EXOC8: variants seen among roughly 807,000 people sequenced by gnomAD.
EXOC8 encodes the protein exocyst complex component 8, also known as exocyst complex 84 kDa subunit.
A neutral mutation model predicts 50.8 loss-of-function variants in EXOC8; 19 were observed. The observed-to-expected ratio is 0.37, with a 90% CI of 0.26 to 0.55. EXOC8 has a LOEUF of 0.55. EXOC8 is among the 20% of genes least tolerant of loss of function. The probability of loss-of-function intolerance (pLI) is 0.80; values close to 1 mark genes in which losing one functional copy is unlikely to be tolerated. For synonymous variants in EXOC8, 384 were observed against 367.9 expected, an observed-to-expected ratio of 1.04 and a Z score of -0.50; for missense variants, 781 against 915.8, an observed-to-expected ratio of 0.85 and a Z score of 1.90.
chr1:231,335,301 T>G lies in EXOC8; in HGVS notation c.*267A>C, dbSNP rs1469959492. On this transcript the variant is annotated 3_prime_UTR_variant, in exon 1 of 1. Coordinates refer to ENST00000366645, the MANE Select transcript of EXOC8 (RefSeq NM_175876.5). ...GATAAAACCGAAATGCTATAGTATA[T>G]AGTGTGACCATAATTTCAGAAGAAG... The G allele has an allele frequency of 7.7e-6, 2 of 258,458 alleles. No homozygotes were observed. Among genetic ancestry groups the G allele is most frequent in the Non-Finnish European group, 1.4e-5 (2 of 139,036 alleles). 16.0% of individuals were successfully genotyped at this position (258,458 alleles called of 1,614,324 possible). A position where few individuals can be genotyped will look rare whatever the true frequency, so the allele number is the denominator to read the frequency against.
At position 231,335,528 on chromosome 1, in the gene EXOC8, TCTC is replaced by T; in HGVS notation, c.*37_*39del. On this transcript the variant is annotated 3_prime_UTR_variant, in exon 1 of 1. Transcript: ENST00000366645. The stretch of plus-strand genomic sequence containing the variant: ...ATATAAATATAAATAATATATAAGC[TCTC>T]TCTCTGCATATATACACATATAAAC... The T allele has an allele frequency of 1.5e-6, 2 of 1,363,766 alleles. No homozygotes were observed. The highest frequency in any genetic ancestry group is 1.9e-5 in the South Asian group (1 of 51,654). The allele number at this position is 1,363,766 out of a possible 1,614,324, so 84.5% of individuals were successfully genotyped here. A position where few individuals can be genotyped will look rare whatever the true frequency, so the allele number is the denominator to read the frequency against.
In EXOC8 at chr1:231,334,006, G is replaced by A. The variant is rs927838153; in HGVS notation, c.*1562C>T. On this transcript the variant is annotated 3_prime_UTR_variant, in exon 1 of 1. Transcript: ENST00000366645. The stretch of plus-strand genomic sequence containing the variant: ...CTAGAGACAAAATGGATCACAGCAA[G>A]CACAGTTTCCCTCAAAGAATAAGGA... 2 of 152,170 alleles carry A rather than the reference G, an allele frequency of 1.3e-5. No homozygotes were observed. The highest frequency in any genetic ancestry group is 1.3e-4 in the Admixed American group (2 of 15,282). 9.4% of individuals were successfully genotyped at this position (152,170 alleles called of 1,614,324 possible).
chr1:231,337,325 A>C lies in EXOC8; in HGVS notation c.421T>G (p.Ser141Ala). 2 of 1,602,756 alleles carry C rather than the reference A, an allele frequency of 1.2e-6. No homozygotes were observed. The highest frequency in any genetic ancestry group is 1.7e-6 in the Non-Finnish European group (2 of 1,179,872). Residue 141 changes from serine to alanine, a missense_variant, in exon 1 of 1, where the codon TCC (serine) becomes GCC (alanine). Transcript: ENST00000366645. This position sits in a 1 kb window ranked among gnomAD's most constrained non-coding sequence, Gnocchi z 5.9. Reference protein sequence around the residue: ...DHLRGQAGFFSTPGGASRDGS... With the variant: ...DHLRGQAGFFATPGGASRDGS... ...TCGCGGGAGGCACCCCCGGGGGTGG[A>C]GAAAAAGCCGGCCTGGCCTCGGAGG...
rs1356065841 is a variant in EXOC8 at position 231,334,529 on chromosome 1, ATTAT to A, written c.*1035_*1038del. ...CCAGTGTCCCCAATGTGTCTTGCTT[ATTAT>A]TTTTTAAAATGTGACAAAGACAAAA... On this transcript the variant is annotated 3_prime_UTR_variant, in exon 1 of 1. Coordinates refer to ENST00000366645, the MANE Select transcript of EXOC8 (RefSeq NM_175876.5). 2 of 152,184 alleles carry A rather than the reference ATTAT, an allele frequency of 1.3e-5. No individual in the cohort carries two copies. Among genetic ancestry groups the A allele is most frequent in the Admixed American group, 6.5e-5 (1 of 15,274 alleles). 9.4% of individuals were successfully genotyped at this position (152,184 alleles called of 1,614,324 possible). A position where few individuals can be genotyped will look rare whatever the true frequency, so the allele number is the denominator to read the frequency against.
chr1:231,336,214 C>T lies in EXOC8; in HGVS notation c.1532G>A (p.Ser511Asn), dbSNP rs1686669839. The T allele has an allele frequency of 2.5e-5, 41 of 1,613,972 alleles. No individual in the cohort carries two copies. Among genetic ancestry groups the T allele is most frequent in the Non-Finnish European group, 3.4e-5 (40 of 1,180,042 alleles). The change falls in exon 1 of 1, where the codon AGT becomes AAT. Residue 511 changes from serine to asparagine, a missense_variant. By Grantham distance (46) the Ser-to-Asn change is conservative. Transcript: ENST00000366645. The surrounding 1 kb of genome is among the most constrained non-coding windows in gnomAD (Gnocchi z 5.4). ...VDAFSKQVFD[S>N]KESLSTAAEC... Reference sequence around the variant, plus strand: ...AGCTGCTGTAGAGAGGCTCTCCTTACTATCAAACACCTGCTTGCTAAAAGC... The same window carrying T: ...AGCTGCTGTAGAGAGGCTCTCCTTATTATCAAACACCTGCTTGCTAAAAGC...
Position 231,336,744 on chromosome 1 carries a change from C to A in EXOC8, c.1002G>T (p.Met334Ile). Reference protein sequence around the residue: ...EVEEEKVDLSMEWIQELPEDL... With the variant: ...EVEEEKVDLSIEWIQELPEDL... Reference sequence around the variant, plus strand: ...CTTCAGGTAACTCCTGGATCCATTCCATGGAGAGGTCCACCTTCTCTTCCT... The same window carrying A: ...CTTCAGGTAACTCCTGGATCCATTCAATGGAGAGGTCCACCTTCTCTTCCT... The change falls in exon 1 of 1, where the codon ATG (methionine) becomes ATT (isoleucine). Residue 334 changes from methionine to isoleucine, a missense_variant. Met to Ile is a conservative substitution (Grantham distance 10, BLOSUM62 1). Around this residue, in one of 3 missense-constraint regions of EXOC8, gnomAD observed 700 missense variants for 804.1 expected, o/e 0.87. Transcript: ENST00000366645. The surrounding 1 kb of genome is among the most constrained non-coding windows in gnomAD (Gnocchi z 5.4). 1.9e-6 allele frequency: 3 copies of A among 1,614,202 alleles called. No individual in the cohort carries two copies. Among genetic ancestry groups the A allele is most frequent in the Non-Finnish European group, 2.5e-6 (3 of 1,180,036 alleles).
In EXOC8 at chr1:231,335,054, A is replaced by G. The variant is rs1006196367; in HGVS notation, c.*514T>C. 11 of 152,566 alleles carry G rather than the reference A, an allele frequency of 7.2e-5. No individual in the cohort carries two copies. The highest frequency in any genetic ancestry group is 1.6e-4 in the Non-Finnish European group (11 of 68,470). 9.5% of individuals were successfully genotyped at this position (152,566 alleles called of 1,614,324 possible). On this transcript the variant is annotated 3_prime_UTR_variant, in exon 1 of 1. Transcript: ENST00000366645. ...AAGAAAGAAAAGACTAGCCTGGGCA[A>G]CATGGCGAAACCCCATCTCTACAAA...
In EXOC8 at chr1:231,334,330, G is replaced by A. The variant is rs1686620869; in HGVS notation, c.*1238C>T. 6.6e-6 allele frequency: 1 copy of A among 152,158 alleles called. No homozygotes were observed. The highest frequency in any genetic ancestry group is 1.5e-5 in the Non-Finnish European group (1 of 68,022). 9.4% of individuals were successfully genotyped at this position (152,158 alleles called of 1,614,324 possible). On this transcript the variant is annotated 3_prime_UTR_variant, in exon 1 of 1. Coordinates refer to ENST00000366645, the MANE Select transcript of EXOC8 (RefSeq NM_175876.5). ...AGTGAGAACACTGAGATTTGCATAT[G>A]TTTTTCTACTTTCCCATCCATCTAG... is the stretch of plus-strand genomic sequence containing the variant.
rs767730727 is a variant in EXOC8 at position 231,336,001 on chromosome 1, GTCA to G, written c.1742_1744del (p.Met581del). ...TTTGAGCTTACCCAGGGCTTCTGGC[GTCA>G]TCAAGTTCATCCTCCTCCACATCTC... On this transcript the variant is annotated inframe_deletion, in exon 1 of 1. Coordinates refer to ENST00000366645, the MANE Select transcript of EXOC8 (RefSeq NM_175876.5). This position sits in a 1 kb window ranked among gnomAD's most constrained non-coding sequence, Gnocchi z 5.4. 1.9e-6 allele frequency: 3 copies of G among 1,614,170 alleles called. No homozygotes were observed. The highest frequency in any genetic ancestry group is 2.2e-5 in the East Asian group (1 of 44,894).
At position 231,336,124 on chromosome 1, in the gene EXOC8, A is replaced by T. The variant is rs989881767; in HGVS notation, c.1622T>A (p.Phe541Tyr). The T allele has an allele frequency of 2.5e-6, 4 of 1,614,190 alleles. No homozygotes were observed. The highest frequency in any genetic ancestry group is 3.4e-6 in the Non-Finnish European group (4 of 1,180,030). ...TTTCACCAGAAGGGCATGGATGATG[A>T]AGGTGAGATCCAGTCCGATATCACC... ...QLGDIGLDLT[F>Y]IIHALLVKDI... The change falls in exon 1 of 1, where the codon TTC (phenylalanine) becomes TAC (tyrosine). Residue 541 changes from phenylalanine to tyrosine, a missense_variant. By Grantham distance (22) the Phe-to-Tyr change is conservative. Transcript: ENST00000366645. The surrounding 1 kb of genome is among the most constrained non-coding windows in gnomAD (Gnocchi z 5.4).
In EXOC8 at chr1:231,336,062, T is replaced by C; in HGVS notation, c.1684A>G (p.Ile562Val). Reference protein sequence around the residue: ...QGALHSYKEIIIEATKHRNSE... With the variant: ...QGALHSYKEIVIEATKHRNSE... Reference sequence around the variant, plus strand: ...TTGCGATGTTTAGTGGCTTCAATGATGATTTCTTTGTAACTGTGCAAGGCC... The same window carrying C: ...TTGCGATGTTTAGTGGCTTCAATGACGATTTCTTTGTAACTGTGCAAGGCC... Residue 562 changes from isoleucine (I) to valine (V), a missense_variant, in exon 1 of 1, where the codon ATC (isoleucine) becomes GTC (valine). Physicochemically the swap from Ile to Val is conservative, Grantham distance 29 (BLOSUM62 3). Around this residue, in one of 3 missense-constraint regions of EXOC8, gnomAD observed 700 missense variants for 804.1 expected, o/e 0.87. Coordinates refer to ENST00000366645, the MANE Select transcript of EXOC8 (RefSeq NM_175876.5). This position sits in a 1 kb window ranked among gnomAD's most constrained non-coding sequence, Gnocchi z 5.4. 6.2e-7 allele frequency: 1 copy of C among 1,614,206 alleles called. No individual in the cohort carries two copies. Among genetic ancestry groups the C allele is most frequent in the Non-Finnish European group, 8.5e-7 (1 of 1,180,034 alleles).
rs1413877049 is a variant in EXOC8 at position 231,333,335 on chromosome 1, A to G, written c.*2233T>C. The G allele has an allele frequency of 1.3e-5, 2 of 152,248 alleles. No homozygotes were observed. Among genetic ancestry groups the G allele is most frequent in the East Asian group, 1.9e-4 (1 of 5,202 alleles). The allele number at this position is 152,248 out of a possible 1,614,324, so 9.4% of individuals were successfully genotyped here. On this transcript the variant is annotated 3_prime_UTR_variant, in exon 1 of 1. Coordinates refer to ENST00000366645, the MANE Select transcript of EXOC8 (RefSeq NM_175876.5). ...CCCATACTAATTGACTCACCAAAGC[A>G]TACTTCCTTCAGCTACAACTGTAAT...
rs1314653490 is a variant in EXOC8 at position 231,336,068 on chromosome 1, C to A, written c.1678G>T (p.Glu560Ter). The change falls in exon 1 of 1, where the codon GAA (glutamate) becomes TAA (stop). Residue 560 changes from glutamate to a stop codon, truncating the protein, a stop_gained. Coordinates refer to ENST00000366645, the MANE Select transcript of EXOC8 (RefSeq NM_175876.5). LOFTEE classifies it high-confidence loss of function. This position sits in a 1 kb window ranked among gnomAD's most constrained non-coding sequence, Gnocchi z 5.4. ...DIQGALHSYK[E>*]IIIEATKHRN... is the part of the protein sequence containing the mutation. The stretch of plus-strand genomic sequence containing the variant: ...TGTTTAGTGGCTTCAATGATGATTT[C>A]TTTGTAACTGTGCAAGGCCCCTTGG... The A allele has an allele frequency of 1.2e-6, 2 of 1,614,060 alleles. No homozygotes were observed. The highest frequency in any genetic ancestry group is 1.7e-6 in the Non-Finnish European group (2 of 1,180,050).
rs1463441194 is a variant in EXOC8 at position 231,336,337 on chromosome 1, G to C, written c.1409C>G (p.Thr470Ser). 1 of 1,613,986 alleles carries C rather than the reference G, an allele frequency of 6.2e-7. No homozygotes were observed. Among genetic ancestry groups the C allele is most frequent in the Non-Finnish European group, 8.5e-7 (1 of 1,180,024 alleles). The change falls in exon 1 of 1, where the codon ACT becomes AGT. Residue 470 changes from threonine (T) to serine (S), a missense_variant. By Grantham distance (58) the Thr-to-Ser change is moderately conservative (BLOSUM62 1). Transcript: ENST00000366645. The surrounding 1 kb of genome is among the most constrained non-coding windows in gnomAD (Gnocchi z 5.4). ...AAAATCGATCTCAAATTCTCTTGCA[G>C]TCTCGAGAAGGCTGGTAAAGAAGAC... ...CHVFFTSLLE[T>S]AREFEIDFAG... is the part of the protein sequence containing the mutation.
chr1:231,337,406 C>T lies in EXOC8; in HGVS notation c.340G>A (p.Ala114Thr), dbSNP rs954520095. The T allele has an allele frequency of 1.2e-6, 2 of 1,605,134 alleles. No individual in the cohort carries two copies. Among genetic ancestry groups the T allele is most frequent in the African/African-American group, 2.7e-5 (2 of 74,906 alleles). The change falls in exon 1 of 1, where the codon GCC (alanine) becomes ACC (threonine). Residue 114 changes from alanine to threonine, a missense_variant. Physicochemically the swap from Ala to Thr is moderately conservative, Grantham distance 58 (BLOSUM62 0). This residue lies in a region of EXOC8 where 700 missense variants were observed against 804.1 expected (regional missense o/e 0.87). Transcript: ENST00000366645. The surrounding 1 kb of genome is among the most constrained non-coding windows in gnomAD (Gnocchi z 5.9). Reference sequence around the variant, plus strand: ...TCCTCCCCTCCAGAGGCGGCGGCGGCTCCGGCGGCAGCAGCGGCAGGCAGC... The same window carrying T: ...TCCTCCCCTCCAGAGGCGGCGGCGGTTCCGGCGGCAGCAGCGGCAGGCAGC... ...TLLPAAAAAG[A>T]AAASGGEEGV...
rs1191598398 is a variant in EXOC8, at chr1:231,333,826, G to A, written c.*1742C>T. The stretch of plus-strand genomic sequence containing the variant: ...CTGGCACATGAATAATTAAGTCAAT[G>A]AATTTTACAACCCTGAGCCACTTTG... On this transcript the variant is annotated 3_prime_UTR_variant, in exon 1 of 1. Coordinates refer to ENST00000366645, the MANE Select transcript of EXOC8 (RefSeq NM_175876.5). 1 of 152,326 alleles carries A rather than the reference G, an allele frequency of 6.6e-6. No individual in the cohort carries two copies. Among genetic ancestry groups the A allele is most frequent in the Admixed American group, 6.5e-5 (1 of 15,268 alleles). The allele number at this position is 152,326 out of a possible 1,614,324, so 9.4% of individuals were successfully genotyped here.
rs1012596609 is a variant in EXOC8 at position 231,337,382 on chromosome 1, C to T, written c.364G>A (p.Glu122Lys). The change falls in exon 1 of 1, where the codon GAG (glutamate) becomes AAG (lysine). Residue 122 changes from glutamate (E) to lysine (K), a missense_variant. Around this residue, in one of 3 missense-constraint regions of EXOC8, gnomAD observed 700 missense variants for 804.1 expected, o/e 0.87. Coordinates refer to ENST00000366645, the MANE Select transcript of EXOC8 (RefSeq NM_175876.5). The surrounding 1 kb of genome is among the most constrained non-coding windows in gnomAD (Gnocchi z 5.9). ...AGAAAASGGE[E>K]GVGGAGGRDH... ...CGGCCCCCCGCCCCACCGACTCCCT[C>T]CTCCCCTCCAGAGGCGGCGGCGGCT... The T allele has an allele frequency of 3.7e-6, 6 of 1,603,916 alleles. No homozygotes were observed. The East Asian group carries it at 1.1e-4, about 30-fold the overall frequency.
rs1292209767 is a variant in EXOC8, at chr1:231,333,661, C to T, written c.*1907G>A. ...AAGACAAATTATAACCGCCTTTGCT[C>T]AGCTAAGATATCCAGTTATGGTTAC... On this transcript the variant is annotated 3_prime_UTR_variant, in exon 1 of 1. Transcript: ENST00000366645. 6.6e-6 allele frequency: 1 copy of T among 152,568 alleles called. No individual in the cohort carries two copies. The highest frequency in any genetic ancestry group is 1.5e-5 in the Non-Finnish European group (1 of 68,030). The allele number at this position is 152,568 out of a possible 1,614,324, so 9.5% of individuals were successfully genotyped here.
Position 231,335,366 on chromosome 1 carries a change from C to T in EXOC8, c.*202G>A, listed in dbSNP as rs1241233269. The T allele has an allele frequency of 1.9e-5, 8 of 413,318 alleles. No individual in the cohort carries two copies. In the South Asian group the frequency reaches 4.2e-4, roughly 22 times the overall value. 25.6% of individuals were successfully genotyped at this position (413,318 alleles called of 1,614,324 possible). ...TTAAAAGGATAGCTAGCATACTATA[C>T]GTTTTAATAATTCCAGTATTTTTGT... is the stretch of plus-strand genomic sequence containing the variant. On this transcript the variant is annotated 3_prime_UTR_variant, in exon 1 of 1. Transcript: ENST00000366645.
Sources: allele counts gnomAD v4.1 joint callset, GRCh38; gene constraint gnomAD v4.1.1; regional missense constraint gnomAD v4.1.1; non-coding constraint Gnocchi (gnomAD v3.1); transcripts MANE v1.5; gene names NCBI Gene and HGNC (gene_info 2026-07-23, HGNC 2026-07-21).